Variants in RIC3 observed in about 807,000 individuals in gnomAD.
RIC3 encodes RIC3 acetylcholine receptor chaperone, also known as protein RIC-3.
A neutral mutation model predicts 27.3 loss-of-function variants in RIC3; 28 were observed. That is an observed-to-expected ratio of 1.02 (90% CI 0.76 to 1.41). The LOEUF (loss-of-function observed/expected upper bound fraction) is 1.41, where lower values mean the gene tolerates loss of function less well. RIC3 is among the 40% of genes most tolerant of loss of function. The pLI is 0.00. For missense variants in RIC3, 501 were observed against 444.7 expected (o/e 1.13, Z -1.14); for synonymous variants, 184 against 160.4 (o/e 1.15, Z -1.11).
At chr11:8,112,061 A>C (rs1275073024) in intron 5 of RIC3, among the ~76,000 whole-genome samples, 1 of 152,216 alleles carries the variant, frequency 6.6e-6, no homozygotes, top group Non-Finnish European at 1.5e-5. Flanking sequence ...TGTGACAAAT[A>C]AGTCTTTTTT....
chr11:8,100,792 C>T, the RIC3 span: 1 of 1,610,360 alleles, frequency 6.2e-7, no homozygotes. Context: ...GTGCCAAAGG[C>T]CTGGGCCTGG....
At chr11:8,095,822 G>C in the RIC3 span, among the ~76,000 whole-genome samples, 14 of 152,262 alleles carry the variant, frequency 9.2e-5, no homozygotes, top group African/African-American at 3.4e-4. Context: ...GAAACTCTTA[G>C]GCAGGGCCCC....
intron 1 of RIC3, among the ~76,000 whole-genome samples, chr11:8,157,716 A>C (rs556145592): frequency 1.3e-4 from 20 of 152,288 alleles, no homozygotes; most frequent in Non-Finnish European, 2.5e-4. Context: ...GATCCTGCCC[A>C]GTCATTTGTA....
At chr11:8,149,438 A>T (rs555455281) in intron 1 of RIC3, among the ~76,000 whole-genome samples, 1 of 152,264 alleles carries the variant, frequency 6.6e-6, no homozygotes, top group East Asian at 1.9e-4. Context: ...TAAAATGCTA[A>T]CTTGTGTGAT....
chr11:8,137,119 G>C (rs1219624765), intron 4 of RIC3, among the ~76,000 whole-genome samples: 1 of 152,130 alleles, frequency 6.6e-6, no homozygotes, highest in Non-Finnish European at 1.5e-5. Context: ...CCGCCTCCCA[G>C]GTTCAAGCGA....
At chr11:8,143,322 C>A (rs1217032349) in intron 1 of RIC3, among the ~76,000 whole-genome samples, 1 of 151,718 alleles carries the variant, frequency 6.6e-6, no homozygotes, top group Non-Finnish European at 1.5e-5. Context: ...TAAGCAACTT[C>A]AGCAAAGTCT....
chr11:8,161,899 A>ACCCTGAGAGGGCAGCC (rs1404774142), intron 1 of RIC3, among the ~76,000 whole-genome samples: 8 of 144,660 alleles, frequency 5.5e-5, no homozygotes, highest in Admixed American at 3.0e-4. Context: ...CTGTTGCTAT[A>ACCCTGAGAGGGCAGCC]AATGAGACAC....
chr11:8,163,988 CTAAGGA>C (rs1322409856), intron 1 of RIC3, among the ~76,000 whole-genome samples: 4 of 152,088 alleles, frequency 2.6e-5, no homozygotes, highest in Admixed American at 6.5e-5. Flanking sequence ...ATGGTACTGG[CTAAGGA>C]TAAGTATACA....
intron 4 of RIC3, among the ~76,000 whole-genome samples, chr11:8,133,589 T>G (rs527664520): frequency 6.6e-6 from 1 of 152,200 alleles, no homozygotes; most frequent in Non-Finnish European, 1.5e-5. Context: ...TGCTGCAGGC[T>G]TCAATCAATA....
intron 1 of RIC3, among the ~76,000 whole-genome samples, chr11:8,164,675 G>A (rs1951505750): frequency 6.6e-6 from 1 of 151,674 alleles, no homozygotes; most frequent in Non-Finnish European, 1.5e-5. Flanking sequence ...TTACCTGGGA[G>A]GGTAAGGTGG....
intron 4 of RIC3, among the ~76,000 whole-genome samples, chr11:8,129,645 A>C (rs56740207): frequency 1.3e-5 from 2 of 152,194 alleles, no homozygotes; most frequent in South Asian, 2.1e-4. Flanking sequence ...TTTGAATTCT[A>C]TAAGCCCAGC....
rs529837603 is a variant in RIC3 at position 8,149,840 on chromosome 11, C to CA, written c.125-9648dup. 6.0e-3 allele frequency among the ~76,000 whole-genome samples: 917 copies of CA among 152,208 alleles called. 12 individuals are homozygous for CA. The highest frequency in any genetic ancestry group is 0.021 in the African/African-American group (869 of 41,536). The stretch of plus-strand genomic sequence containing the variant: ...ACTACCAAACAGAAACTAGCCATTT[C>CA]AAAAAAATCCACCACTGCTATCAAC... On this transcript the variant is annotated intron_variant, in intron 1 of 5. Coordinates refer to ENST00000309737, the MANE Select transcript of RIC3 (RefSeq NM_001206671.4).
At chr11:8,151,861 A>T (rs1386508714) in intron 1 of RIC3, among the ~76,000 whole-genome samples, 1 of 151,144 alleles carries the variant, frequency 6.6e-6, no homozygotes, top group Non-Finnish European at 1.5e-5. Flanking sequence ...GGTTGCGATG[A>T]GCAGAGATCA....
At chr11:8,118,199 G>T (rs1455217369) in intron 5 of RIC3, among the ~76,000 whole-genome samples, 2 of 148,282 alleles carry the variant, frequency 1.3e-5, no homozygotes, top group East Asian at 2.0e-4. Context: ...CTCAAGCCTG[G>T]GCATGACAGA....
intron 5 of RIC3, among the ~76,000 whole-genome samples, chr11:8,114,434 A>C (rs189286776): frequency 3.9e-5 from 6 of 152,172 alleles, no homozygotes; most frequent in African/African-American, 1.2e-4. Context: ...GTAAAATCCT[A>C]TCTCTACTAA....
At chr11:8,125,592 T>A (rs1183442321) in intron 5 of RIC3, among the ~76,000 whole-genome samples, 1 of 152,238 alleles carries the variant, frequency 6.6e-6, no homozygotes, top group Non-Finnish European at 1.5e-5. Context: ...GGTATCATTT[T>A]ACACTCACTA....
chr11:8,100,674 C>G, the RIC3 span: 4 of 1,544,498 alleles, frequency 2.6e-6, no homozygotes, highest in Admixed American at 6.9e-5. Flanking sequence ...GGGCAGAACT[C>G]CAGCTGATGT....
chr11:8,103,049 CGTGA>C (rs917037529), downstream of RIC3: 6 of 152,222 alleles, frequency 3.9e-5, no homozygotes, highest in African/African-American at 1.4e-4. Context: ...GCTTTTTGCA[CGTGA>C]GTATGATCCA....
At chr11:8,099,626 C>T in the RIC3 span, among the ~76,000 whole-genome samples, 2 of 152,084 alleles carry the variant, frequency 1.3e-5, no homozygotes, top group African/African-American at 4.8e-5. Flanking sequence ...GACTTAAAGC[C>T]CTAGCAGGGC....
Sources: gnomAD v4.1 joint callset for allele counts (sites outside exome capture counted in the v4.1 genomes callset) on GRCh38, gnomAD v4.1.1 for gene constraint, MANE v1.5 for transcripts, NCBI Gene and HGNC (gene_info 2026-07-23, HGNC 2026-07-21) for gene names.